Variants in PHC1 observed in about 807,000 individuals in gnomAD.
PHC1 encodes polyhomeotic homolog 1, also known as polyhomeotic-like protein 1.
Under a neutral mutation model 104.3 loss-of-function variants are expected in PHC1, and 12 were observed. That is an observed-to-expected ratio of 0.12 (90% CI 0.07 to 0.19). PHC1 has a LOEUF of 0.19. Ranked by LOEUF, PHC1 falls within the 10% of genes least tolerant of loss-of-function variation. The probability of loss-of-function intolerance (pLI) is 1.00; values close to 1 mark genes in which losing one functional copy is unlikely to be tolerated. For missense variants in PHC1, 671 were observed against 1,200.0 expected (o/e 0.56, Z 6.51); for synonymous variants, 302 against 455.8 (o/e 0.66, Z 4.30).
intron 6 of PHC1, among the ~76,000 whole-genome samples, chr12:8,925,998 A>G (rs1225598731): frequency 6.6e-6 from 1 of 152,192 alleles, no homozygotes; most frequent in African/African-American, 2.4e-5. Context: ...TAGAAGAATC[A>G]TTGAAGAGGG....
chr12:8,937,061 C>T, intron 12 of PHC1, 97 bp downstream of exon 12: 1 of 1,393,478 alleles, frequency 7.2e-7, no homozygotes, highest in Non-Finnish European at 1.0e-6. Context: ...TATTTTATGT[C>T]TCCCTCCTTG....
chr12:8,921,678 G>A lies in PHC1; in HGVS notation c.384G>A (p.Leu128=), dbSNP rs1249304237. 3 of 1,613,512 alleles carry A rather than the reference G, an allele frequency of 1.9e-6. No individual in the cohort carries two copies. In the South Asian group the frequency reaches 3.3e-5, roughly 18 times the overall value. ...TGAGCTCTCCCAGTGCTACCACCTTGACCCAATCTGTGCTACTGGGGAACA... is the reference window on the plus strand; with the variant it reads ...TGAGCTCTCCCAGTGCTACCACCTTAACCCAATCTGTGCTACTGGGGAACA... ...QSVSSPSATT[L]TQSVLLGNTT... Residue 128 remains leucine (L), a synonymous_variant, in exon 5 of 15, where the codon TTG becomes TTA. Coordinates refer to ENST00000544916, the MANE Select transcript of PHC1 (RefSeq NM_004426.3).
At chr12:8,914,455 G>GGC (rs1443003968), upstream of PHC1, 5 of 143,192 alleles carry the variant, frequency 3.5e-5, 1 homozygote, top group South Asian at 2.2e-4. Context: ...GCGGAGGGAC[G>GGC]GCGGGGGGGG....
chr12:8,927,121 A>ATGTGCATG (rs890605282), intron 6 of PHC1, among the ~76,000 whole-genome samples: 3 of 152,142 alleles, frequency 2.0e-5, no homozygotes, highest in African/African-American at 7.2e-5. Context: ...ATGTTACAAG[A>ATGTGCATG]TGTGCATGTG....
chr12:8,936,291 AG>A (rs1257771662), intron 11 of PHC1, among the ~76,000 whole-genome samples: 1 of 152,160 alleles, frequency 6.6e-6, no homozygotes, highest in Non-Finnish European at 1.5e-5. Context: ...CCAAAGTGGG[AG>A]GATCGCTTGA....
intron 10 of PHC1, 60 bp from the exon 11 acceptor site, chr12:8,935,064 A>C: frequency 1.2e-6 from 1 of 802,550 alleles, no homozygotes; most frequent in South Asian, 1.7e-5. Context: ...ATGTTGGGGA[A>C]AGCTATAGAG....
intron 6 of PHC1, among the ~76,000 whole-genome samples, chr12:8,924,596 C>T (rs1404316557): frequency 2.0e-5 from 3 of 152,036 alleles, no homozygotes; most frequent in Admixed American, 2.0e-4. Context: ...GAGTCTTGGA[C>T]GAGTGGATTT....
intron 1 of PHC1, among the ~76,000 whole-genome samples, chr12:8,916,868 G>A (rs1349451932): frequency 1.3e-5 from 2 of 152,264 alleles, no homozygotes; most frequent in East Asian, 3.9e-4. Context: ...GAACCAGGCA[G>A]CTATTTGGGC....
chr12:8,935,255 A>T lies in PHC1; in HGVS notation c.2368+17A>T. On this transcript the variant is annotated intron_variant, in intron 11 of 14. Coordinates refer to ENST00000544916, the MANE Select transcript of PHC1 (RefSeq NM_004426.3). Reference sequence around the variant, plus strand: ...CATCTGCTGGTGAGCATTTATTTAGAGACTCATTTGGGGGAAGGAGACTCG... The same window carrying T: ...CATCTGCTGGTGAGCATTTATTTAGTGACTCATTTGGGGGAAGGAGACTCG... 7.3e-7 allele frequency: 1 copy of T among 1,376,506 alleles called. No individual in the cohort carries two copies. The highest frequency in any genetic ancestry group is 1.0e-6 in the Non-Finnish European group (1 of 982,176). The allele number at this position is 1,376,506 out of a possible 1,614,324, so 85.3% of individuals were successfully genotyped here.
intron 7 of PHC1, among the ~76,000 whole-genome samples, chr12:8,931,449 C>T (rs1029028129): frequency 5.9e-5 from 9 of 152,136 alleles, no homozygotes; most frequent in Non-Finnish European, 1.3e-4. Context: ...TCCTGTAATC[C>T]CAGCACTTTG....
At chr12:8,921,836 C>G in intron 5 of PHC1, 86 bp downstream of exon 5, 2 of 1,292,570 alleles carry the variant, frequency 1.5e-6, no homozygotes, top group East Asian at 2.5e-5. Context: ...TTTTTTGAGA[C>G]AGAATCTCGC....
chr12:8,935,757 T>C (rs1168981022), intron 11 of PHC1, among the ~76,000 whole-genome samples: 4 of 151,882 alleles, frequency 2.6e-5, no homozygotes, highest in Admixed American at 6.5e-5. Flanking sequence ...ATCTTTTGAA[T>C]TATTATTATT....
chr12:8,926,576 G>A (rs1478562060), intron 6 of PHC1, among the ~76,000 whole-genome samples: 1 of 150,492 alleles, frequency 6.6e-6, no homozygotes, highest in African/African-American at 2.5e-5. Flanking sequence ...AGCCAAGATC[G>A]TGCCACTGCA....
At chr12:8,920,512 A>T (rs1374977540) in intron 3 of PHC1, among the ~76,000 whole-genome samples, 1 of 152,042 alleles carries the variant, frequency 6.6e-6, no homozygotes, top group East Asian at 1.9e-4. Context: ...GTTCAAGACC[A>T]GCCTGGCCTA....
chr12:8,921,084 A>G lies in PHC1; in HGVS notation c.306+19A>G. 3 of 1,561,166 alleles carry G rather than the reference A, an allele frequency of 1.9e-6. No homozygotes were observed. The highest frequency in any genetic ancestry group is 1.8e-6 in the Non-Finnish European group (2 of 1,142,398). On this transcript the variant is annotated intron_variant, in intron 4 of 14. Coordinates refer to ENST00000544916, the MANE Select transcript of PHC1 (RefSeq NM_004426.3). ...GGCCTCGGTGAGTACGCCCTCTCCC[A>G]CTGAGAGGCTTCTCTACCTGGGTCT...
At chr12:8,927,896 TCTTTCTTTCTTTCTTTC>T (rs1227605558) in intron 6 of PHC1, among the ~76,000 whole-genome samples, 96 of 114,774 alleles carry the variant, frequency 8.4e-4, no homozygotes, top group African/African-American at 2.4e-3. Context: ...TTTCTTTCTT[TCTTTCTTTCTTTCTTTC>T]TTTTTTTTTT....
rs957562347 is a variant in PHC1, at chr12:8,936,979, C to G, written c.2477+15C>G. ...TGCGCTAAGAGGTACTCTGGGCACC[C>G]TCCTCCTTGCCCTCAGCACTGGTAT... On this transcript the variant is annotated intron_variant, in intron 12 of 14. Coordinates refer to ENST00000544916, the MANE Select transcript of PHC1 (RefSeq NM_004426.3). 23 of 1,558,044 alleles carry G rather than the reference C, an allele frequency of 1.5e-5. No individual in the cohort carries two copies. Among genetic ancestry groups the G allele is most frequent in the Non-Finnish European group, 1.9e-5 (22 of 1,129,772 alleles).
rs987603317 is a variant in PHC1 at position 8,919,915 on chromosome 12, C to T, written c.225+49C>T. The T allele has an allele frequency of 1.3e-6, 2 of 1,576,500 alleles. No individual in the cohort carries two copies. Among genetic ancestry groups the T allele is most frequent in the East Asian group, 2.3e-5 (1 of 43,668 alleles). On this transcript the variant is annotated intron_variant, in intron 3 of 14. Transcript: ENST00000544916. The surrounding 1 kb of genome is among the most constrained non-coding windows in gnomAD (Gnocchi z 4.9). The stretch of plus-strand genomic sequence containing the variant: ...CCCGAGAGGGAGGGGACAGGCACTA[C>T]AGGTGGGTAGGGGAGATTTTTTGGG...
At position 8,933,343 on chromosome 12, in the gene PHC1, A is replaced by G; in HGVS notation, c.1886A>G (p.His629Arg). 2 of 1,555,130 alleles carry G rather than the reference A, an allele frequency of 1.3e-6. No individual in the cohort carries two copies. Among genetic ancestry groups the G allele is most frequent in the South Asian group, 1.2e-5 (1 of 84,256 alleles). Residue 629 changes from histidine to arginine, a missense_variant, in exon 8 of 15, where the codon CAC becomes CGC. Physicochemically the swap from His to Arg is conservative, Grantham distance 29. Transcript: ENST00000544916. ...GCTGCCTTCTATATGCAGTCTGTGC[A>G]CTTGCCGGTGAGTGATGTCTGATGG... ...VPAAFYMQSV[H>R]LPGKPQTLAV...
Sources: gnomAD v4.1 joint callset for allele counts (sites outside exome capture counted in the v4.1 genomes callset) on GRCh38, gnomAD v4.1.1 for gene constraint, Gnocchi (gnomAD v3.1) non-coding constraint, MANE v1.5 for transcripts, NCBI Gene and HGNC (gene_info 2026-07-23, HGNC 2026-07-21) for gene names.